DENND1B: variants seen among roughly 807,000 people sequenced by gnomAD.
DENND1B encodes the protein DENN domain-containing protein 1B.
Under a neutral mutation model 90.1 loss-of-function variants are expected in DENND1B, and 59 were observed. The ratio of observed to expected loss-of-function variants is 0.65; its 90% CI spans 0.53 to 0.81. The LOEUF (loss-of-function observed/expected upper bound fraction) is 0.81, where lower values mean the gene tolerates loss of function less well. DENND1B is among the 40% of genes least tolerant of loss of function. The pLI, the probability that DENND1B is intolerant of heterozygous loss-of-function variation, is 0.00. For synonymous variants in DENND1B, 337 were observed against 324.6 expected, an observed-to-expected ratio of 1.04 and a Z score of -0.41; for missense variants, 862 against 912.6, an observed-to-expected ratio of 0.94 and a Z score of 0.71.
Position 197,547,145 on chromosome 1 carries a change from A to G in DENND1B, c.1241-372T>C, listed in dbSNP as rs561194789. Among the ~76,000 whole-genome samples, 14 of 152,260 alleles carry G rather than the reference A, an allele frequency of 9.2e-5. No individual in the cohort carries two copies. The South Asian group carries it at 2.9e-3, about 32-fold the overall frequency. ...AGGCCTGGTGTGGTGGCTCCCACCT[A>G]TAGTGCCAGCTACTTGAAAGGCTGT... is the stretch of plus-strand genomic sequence containing the variant. On this transcript the variant is annotated intron_variant, in intron 16 of 22. Transcript: ENST00000620048.
chr1:197,541,982 C>T (rs756183463), intron 18 of DENND1B, among the ~76,000 whole-genome samples: 4 of 152,136 alleles, frequency 2.6e-5, no homozygotes, highest in Non-Finnish European at 4.4e-5. Flanking sequence ...CCATAGTGCA[C>T]TGATTCATTA....
chr1:197,755,030 A>C (rs888709784), intron 2 of DENND1B, among the ~76,000 whole-genome samples: 1 of 152,188 alleles, frequency 6.6e-6, no homozygotes, highest in Non-Finnish European at 1.5e-5. Flanking sequence ...GTATTTGGCT[A>C]CCCTAACTTC....
At chr1:197,757,771 C>T (rs936481216) in intron 2 of DENND1B, among the ~76,000 whole-genome samples, 5 of 152,098 alleles carry the variant, frequency 3.3e-5, no homozygotes, top group African/African-American at 4.8e-5. Flanking sequence ...ACCAAGATAG[C>T]CTTGAATTTT....
At chr1:197,758,371 GT>G (rs1046713311) in intron 2 of DENND1B, among the ~76,000 whole-genome samples, 3 of 152,168 alleles carry the variant, frequency 2.0e-5, no homozygotes, top group Admixed American at 2.0e-4. Flanking sequence ...TAGGAGGAAA[GT>G]TTTTTACTAA....
At chr1:197,734,688 A>T in intron 2 of DENND1B, 1 of 985,150 alleles carries the variant, frequency 1.0e-6, no homozygotes, top group Admixed American at 6.1e-5. Flanking sequence ...AATGAAAGAT[A>T]AGGGTGTAAC....
At chr1:197,730,872 T>C (rs910947981) in intron 2 of DENND1B, among the ~76,000 whole-genome samples, 10 of 152,082 alleles carry the variant, frequency 6.6e-5, no homozygotes, top group African/African-American at 2.2e-4. Context: ...CATATATAAA[T>C]TATATATGTA....
chr1:197,685,803 A>C (rs1003407283), intron 3 of DENND1B: 1 of 152,090 alleles, frequency 6.6e-6, no homozygotes, highest in Admixed American at 6.6e-5. Context: ...TTGAAATTCC[A>C]AATAGAAATA....
chr1:197,594,328 T>C (rs1263008813), intron 14 of DENND1B, among the ~76,000 whole-genome samples: 1 of 152,164 alleles, frequency 6.6e-6, no homozygotes, highest in Non-Finnish European at 1.5e-5. Context: ...TACAATTGAG[T>C]TTAACTGAGT....
chr1:197,615,828 C>T (rs1677597667), intron 11 of DENND1B, among the ~76,000 whole-genome samples: 1 of 150,834 alleles, frequency 6.6e-6, no homozygotes, highest in Admixed American at 6.6e-5. Context: ...CTCTTTGAAC[C>T]AGGGAGGTTT....
At chr1:197,563,293 C>T (rs886699260) in intron 15 of DENND1B, among the ~76,000 whole-genome samples, 1 of 151,974 alleles carries the variant, frequency 6.6e-6, no homozygotes, top group Non-Finnish European at 1.5e-5. Flanking sequence ...GGCTTCAAGG[C>T]TTCAAAGCTT....
intron 10 of DENND1B, among the ~76,000 whole-genome samples, chr1:197,621,541 T>A (rs981247669): frequency 1.3e-5 from 2 of 151,402 alleles, no homozygotes; most frequent in Non-Finnish European, 3.0e-5. Context: ...ATCTTATTAA[T>A]TTAACATTAT....
intron 3 of DENND1B, among the ~76,000 whole-genome samples, chr1:197,694,303 T>C (rs1304587322): frequency 6.6e-6 from 1 of 151,482 alleles, no homozygotes; most frequent in Non-Finnish European, 1.5e-5. Context: ...ACATATTTTA[T>C]GAGTTAATAA....
intron 11 of DENND1B, among the ~76,000 whole-genome samples, chr1:197,616,212 T>G (rs1677633706): frequency 6.6e-6 from 1 of 150,894 alleles, no homozygotes; most frequent in African/African-American, 2.4e-5. Flanking sequence ...TTCCAAATAC[T>G]GCTGTAAAAT....
In DENND1B at chr1:197,672,017, T is replaced by C. The variant is rs1377876245; in HGVS notation, c.296+20A>G. The C allele has an allele frequency of 6.2e-7, 1 of 1,602,838 alleles. No homozygotes were observed. Among genetic ancestry groups the C allele is most frequent in the Non-Finnish European group, 8.5e-7 (1 of 1,175,238 alleles). ...TAGTTACCTATTTTGCATCTAATTT[T>C]TTTTACTACAAATACTCACCTAAGG... is the stretch of plus-strand genomic sequence containing the variant. On this transcript the variant is annotated intron_variant, in intron 5 of 22. Coordinates refer to ENST00000620048, the MANE Select transcript of DENND1B (RefSeq NM_001195215.2).
chr1:197,536,767 C>T (rs1475469018), intron 20 of DENND1B, among the ~76,000 whole-genome samples: 3 of 152,108 alleles, frequency 2.0e-5, no homozygotes, highest in African/African-American at 7.2e-5. Flanking sequence ...ACAGACCAGG[C>T]TCGGTGGCTC....
In DENND1B at chr1:197,608,610, TTTAAG is replaced by T. The variant is rs1572052602; in HGVS notation, c.820-1441_820-1437del. ...CATAATTTTGATTTTCATCTTCAAC[TTTAAG>T]TTGTCATTTTATGACAGAAACTATA... On this transcript the variant is annotated intron_variant, in intron 12 of 22. Coordinates refer to ENST00000620048, the MANE Select transcript of DENND1B (RefSeq NM_001195215.2). 2.7e-5 allele frequency among the ~76,000 whole-genome samples: 4 copies of T among 150,784 alleles called. 1 individual carries two copies. In the South Asian group the frequency reaches 8.3e-4, roughly 31 times the overall value.
intron 2 of DENND1B, among the ~76,000 whole-genome samples, chr1:197,718,096 T>C (rs768198962): frequency 2.0e-5 from 3 of 152,030 alleles, no homozygotes; most frequent in Non-Finnish European, 4.4e-5. Flanking sequence ...CTCACGTAGC[T>C]AGGTAATGTC....
intron 3 of DENND1B, among the ~76,000 whole-genome samples, chr1:197,679,808 G>GTTT (rs56246204): frequency 2.2e-5 from 2 of 91,984 alleles, no homozygotes; most frequent in Non-Finnish European, 4.2e-5. Context: ...TCCAAGGGTT[G>GTTT]TTTTTTTTTT....
intron 9 of DENND1B, among the ~76,000 whole-genome samples, chr1:197,644,637 T>C (rs957076170): frequency 6.6e-6 from 1 of 152,174 alleles, no homozygotes; most frequent in African/African-American, 2.4e-5. Flanking sequence ...CCTGAGAGCT[T>C]TGATTATCTA....
Sources: gnomAD v4.1 joint callset for allele counts (sites outside exome capture counted in the v4.1 genomes callset) on GRCh38, gnomAD v4.1.1 for gene constraint, MANE v1.5 for transcripts, NCBI Gene and HGNC (gene_info 2026-07-23, HGNC 2026-07-21) for gene names.